The following OR6C1 variants were observed in gnomAD, a reference collection of about 807,000 sequenced individuals.
OR6C1 encodes the protein olfactory receptor family 6 subfamily C member 1.
For missense variants in OR6C1, 386 were observed against 366.1 expected, an observed-to-expected ratio of 1.05 and a Z score of -0.44; for synonymous variants, 157 against 133.3, an observed-to-expected ratio of 1.18 and a Z score of -1.22.
At chr12:55,317,861 G>T (rs991316302) in intron 1 of OR6C1, among the ~76,000 whole-genome samples, 1 of 148,946 alleles carries the variant, frequency 6.7e-6, no homozygotes, top group South Asian at 2.1e-4. Context: ...AAGAACAAAG[G>T]TAATTTGGGA....
At chr12:55,319,391 C>T (rs1043397235) in intron 1 of OR6C1, among the ~76,000 whole-genome samples, 5 of 152,114 alleles carry the variant, frequency 3.3e-5, no homozygotes, top group African/African-American at 1.2e-4. Context: ...AAATTTAAAA[C>T]ATCTTAGGTG....
At chr12:55,320,518 T>C (rs767294538) in intron 1 of OR6C1, 49 bp from the exon 2 acceptor site, 4 of 824,090 alleles carry the variant, frequency 4.9e-6, no homozygotes, top group Non-Finnish European at 7.8e-6. Flanking sequence ...ACTTGGATAT[T>C]TGTTAATTGA....
At chr12:55,315,378 T>A (rs7308316) in intron 1 of OR6C1, among the ~76,000 whole-genome samples, 46,291 of 151,520 alleles carry the variant, frequency 0.31, 7,701 homozygotes, top group East Asian at 0.53. Context: ...TGTTAATTTA[T>A]GTCCTTTTCC....
intron 1 of OR6C1, among the ~76,000 whole-genome samples, chr12:55,315,711 A>T (rs1173412559): frequency 6.6e-6 from 1 of 151,764 alleles, no homozygotes; most frequent in Non-Finnish European, 1.5e-5. Flanking sequence ...TTTCCTGAAG[A>T]GCCACTGTTT....
Position 55,320,090 on chromosome 12 carries a change from A to G in OR6C1, c.-33-477A>G, listed in dbSNP as rs573063203. On this transcript the variant is annotated intron_variant, in intron 1 of 1. Coordinates refer to ENST00000642104, the MANE Select transcript of OR6C1 (RefSeq NM_001005182.2). ...CAGGAGGCAGAGGTTGCAGTGAGCC[A>G]AGATTGCACCAGTGCACTCCAGCCT... Among the ~76,000 whole-genome samples, 624 of 152,220 alleles carry G rather than the reference A, an allele frequency of 4.1e-3. 4 individuals carry two copies. Among genetic ancestry groups the G allele is most frequent in the African/African-American group, 0.014 (593 of 41,556 alleles).
At chr12:55,315,296 C>T (rs1164614100) in intron 1 of OR6C1, among the ~76,000 whole-genome samples, 3 of 151,752 alleles carry the variant, frequency 2.0e-5, no homozygotes, top group Admixed American at 2.0e-4. Flanking sequence ...AGCCTATATA[C>T]TTTCTGTGAT....
chr12:55,321,190 A>G lies in OR6C1; in HGVS notation c.591A>G (p.Gly197=), dbSNP rs778819633. 1.2e-6 allele frequency: 2 copies of G among 1,613,846 alleles called. No individual in the cohort carries two copies. The highest frequency in any genetic ancestry group is 2.2e-5 in the East Asian group (1 of 44,852). ...ACACAAAATTCTTAGAGGTGATGGGATTTTCTTGTGCTGCGTTTACTCTAA... is the reference window on the plus strand; with the variant it reads ...ACACAAAATTCTTAGAGGTGATGGGGTTTTCTTGTGCTGCGTTTACTCTAA... ...CSDTKFLEVM[G]FSCAAFTLMF... The change falls in exon 2 of 2, where the codon GGA becomes GGG. Residue 197 remains glycine (G), a synonymous_variant. Coordinates refer to ENST00000642104, the MANE Select transcript of OR6C1 (RefSeq NM_001005182.2).
rs1389172317 is a variant in OR6C1 at position 55,320,588 on chromosome 12, A to G, written c.-12A>G. On this transcript the variant is annotated 5_prime_UTR_variant, in exon 2 of 2. Transcript: ENST00000642104. ...GTAGGTCTGGCAGGGGAAAAAAGAA[A>G]GCAACTGAAGAATGAGAAACCATAC... 6.7e-7 allele frequency: 1 copy of G among 1,493,534 alleles called. No homozygotes were observed. The highest frequency in any genetic ancestry group is 1.9e-5 in the Admixed American group (1 of 51,886). The allele number at this position is 1,493,534 out of a possible 1,614,324, so 92.5% of individuals were successfully genotyped here.
In OR6C1 at chr12:55,320,989, C is replaced by T. The variant is rs758577169; in HGVS notation, c.390C>T (p.Cys130=). The stretch of plus-strand genomic sequence containing the variant: ...TGGCCATCTGCAAGCCTCTGCATTG[C>T]TTGAGTATCATGAATCGAAGAGTCT... ...RYVAICKPLH[C]LSIMNRRVCT... The change falls in exon 2 of 2, where the codon TGC becomes TGT. Residue 130 remains cysteine (C), a synonymous_variant. Coordinates refer to ENST00000642104, the MANE Select transcript of OR6C1 (RefSeq NM_001005182.2). 6 of 1,613,830 alleles carry T rather than the reference C, an allele frequency of 3.7e-6. No individual in the cohort carries two copies. Among genetic ancestry groups the T allele is most frequent in the Non-Finnish European group, 5.1e-6 (6 of 1,179,954 alleles).
At chr12:55,315,173 C>G (rs1868388723) in intron 1 of OR6C1, among the ~76,000 whole-genome samples, 1 of 151,574 alleles carries the variant, frequency 6.6e-6, no homozygotes, top group South Asian at 2.1e-4. Flanking sequence ...CAAAAACATC[C>G]TTGAAATTTC....
intron 1 of OR6C1, among the ~76,000 whole-genome samples, chr12:55,318,643 A>C (rs570649020): frequency 4.7e-5 from 7 of 148,098 alleles, no homozygotes; most frequent in African/African-American, 1.7e-4. Flanking sequence ...TTTATATAAA[A>C]ATATAAATAT....
chr12:55,316,082 T>C (rs1466574607), intron 1 of OR6C1, among the ~76,000 whole-genome samples: 1 of 145,636 alleles, frequency 6.9e-6, no homozygotes, highest in Admixed American at 6.9e-5. Context: ...TTTAATACCT[T>C]ATTAAAAAGT....
At chr12:55,319,209 A>G (rs1868473761) in intron 1 of OR6C1, among the ~76,000 whole-genome samples, 1 of 152,184 alleles carries the variant, frequency 6.6e-6, no homozygotes, top group South Asian at 2.1e-4. Flanking sequence ...TCCAGCTTAC[A>G]TTATTCTATA....
At chr12:55,316,126 C>A (rs1868405672) in intron 1 of OR6C1, among the ~76,000 whole-genome samples, 1 of 132,876 alleles carries the variant, frequency 7.5e-6, no homozygotes, top group Non-Finnish European at 1.5e-5. Flanking sequence ...CACACACACA[C>A]ACACCCCCCG....
intron 1 of OR6C1, 79 bp from the exon 2 acceptor site, chr12:55,320,488 C>T (rs1868511764): frequency 1.5e-6 from 1 of 660,622 alleles, no homozygotes; most frequent in Non-Finnish European, 2.6e-6. Flanking sequence ...CATACTATGT[C>T]AACCAAACTC....
intron 1 of OR6C1, among the ~76,000 whole-genome samples, chr12:55,318,352 T>A (rs1295282964): frequency 6.6e-6 from 1 of 151,478 alleles, no homozygotes; most frequent in East Asian, 1.9e-4. Context: ...AAGATTTACT[T>A]GCCTAGAATA....
chr12:55,318,920 T>G (rs964311668), intron 1 of OR6C1, among the ~76,000 whole-genome samples: 10 of 151,810 alleles, frequency 6.6e-5, no homozygotes, highest in Non-Finnish European at 1.3e-4. Flanking sequence ...GACAATATCA[T>G]CTGAACTTTA....
At position 55,321,066 on chromosome 12, in the gene OR6C1, CA is replaced by C. The variant is rs771324398; in HGVS notation, c.468del (p.Ala157HisfsTer6). 1 of 1,613,444 alleles carries C rather than the reference CA, an allele frequency of 6.2e-7. No individual in the cohort carries two copies. Among genetic ancestry groups the C allele is most frequent in the Non-Finnish European group, 8.5e-7 (1 of 1,179,626 alleles). ...CTGGTTTCATTCTTAATCATATTCCCAGCACTCATGTTGCTTTTAAAGCTTC... is the reference window on the plus strand; with the variant it reads ...CTGGTTTCATTCTTAATCATATTCCCGCACTCATGTTGCTTTTAAAGCTTC... ...SWLVSFLIIF[P>X]ALMLLLKLHY... On this transcript the variant is annotated frameshift_variant, in exon 2 of 2. Coordinates refer to ENST00000642104, the MANE Select transcript of OR6C1 (RefSeq NM_001005182.2). LOFTEE classifies it low-confidence loss of function (END_TRUNC).
intron 1 of OR6C1, among the ~76,000 whole-genome samples, chr12:55,315,794 C>T (rs1000674469): frequency 6.6e-6 from 1 of 150,746 alleles, no homozygotes. Context: ...CGAGCAGTAC[C>T]AAAGTGTATT....
Sources: allele counts gnomAD v4.1 joint callset (sites outside exome capture counted in the v4.1 genomes callset), GRCh38; gene constraint gnomAD v4.1.1; transcripts MANE v1.5; gene names NCBI Gene and HGNC (gene_info 2026-07-23, HGNC 2026-07-21).